The following PGBD5 variants were observed in gnomAD, a reference collection of about 807,000 sequenced individuals.
PGBD5 encodes the protein piggyBac transposable element-derived protein 5.
PGBD5 carries 14 observed loss-of-function variants against 47.9 expected under a neutral mutation model. That is an observed-to-expected ratio of 0.29 (90% CI 0.19 to 0.46). The LOEUF (loss-of-function observed/expected upper bound fraction) is 0.46. Ranked by LOEUF, PGBD5 falls within the 20% of genes least tolerant of loss-of-function variation. PGBD5 has a pLI of 1.00. For missense variants in PGBD5, 635 were observed against 716.0 expected, an observed-to-expected ratio of 0.89 and a Z score of 1.29; for synonymous variants, 316 against 306.3, an observed-to-expected ratio of 1.03 and a Z score of -0.33.
At chr1:230,402,494 G>C (rs970878229) in intron 1 of PGBD5, among the ~76,000 whole-genome samples, 15 of 152,218 alleles carry the variant, frequency 9.9e-5, no homozygotes, top group African/African-American at 3.6e-4. Context: ...GGTGTGAAGA[G>C]AGCTCACTGT....
intron 4 of PGBD5, 90 bp from the exon 5 acceptor site, chr1:230,333,131 G>C: frequency 7.4e-7 from 1 of 1,356,092 alleles, no homozygotes; most frequent in Non-Finnish European, 1.0e-6. Flanking sequence ...GGAAAGGACG[G>C]GACTGCCCGG....
Position 230,315,910 on chromosome 1 carries a change from G to A in PGBD5, c.*7515C>T, listed in dbSNP as rs28583646. On this transcript the variant is annotated 3_prime_UTR_variant, in exon 7 of 7. Coordinates refer to ENST00000391860, the MANE Select transcript of PGBD5 (RefSeq NM_001258311.2). ...TACATATTTATGTGTACACATATAT[G>A]TATATGTGTATATGTGTACACATAT... 1 of 142,316 alleles carries A rather than the reference G, an allele frequency of 7.0e-6. No individual in the cohort carries two copies. Among genetic ancestry groups the A allele is most frequent in the Admixed American group, 6.9e-5 (1 of 14,556 alleles). 8.8% of individuals were successfully genotyped at this position (142,316 alleles called of 1,614,324 possible).
intron 1 of PGBD5, among the ~76,000 whole-genome samples, chr1:230,374,386 C>T (rs1667980758): frequency 6.6e-6 from 1 of 152,170 alleles, no homozygotes; most frequent in African/African-American, 2.4e-5. Context: ...CACTGCACTA[C>T]AGCCTGGGCA....
Position 230,323,732 on chromosome 1 carries a change from A to G in PGBD5, c.1380-112T>C. The G allele has an allele frequency of 6.6e-6, 7 of 1,060,164 alleles. No individual in the cohort carries two copies. The highest frequency in any genetic ancestry group is 9.5e-6 in the Non-Finnish European group (7 of 733,464). 65.7% of individuals were successfully genotyped at this position (1,060,164 alleles called of 1,614,324 possible). On this transcript the variant is annotated intron_variant, in intron 6 of 6. Transcript: ENST00000391860. This position sits in a 1 kb window ranked among gnomAD's most constrained non-coding sequence, Gnocchi z 4.1. ...GTGAGACGCTGCAGGTTCGCCCCCG[A>G]CAGAAGCAGGAGGGCTATGGGGGCA... is the stretch of plus-strand genomic sequence containing the variant.
chr1:230,357,200 C>T lies in PGBD5; in HGVS notation c.453G>A (p.Glu151=), dbSNP rs1667663163. ...QTNMYAKKFQ[E]RFGSDGAWVE... is the part of the protein sequence containing the mutation. ...CCCAGGCTCCGTCGCTCCCAAACCG[C>T]TCCTGGAACTTCTTGGCATACATGT... is the stretch of plus-strand genomic sequence containing the variant. The change falls in exon 2 of 7, where the codon GAG becomes GAA. Residue 151 remains glutamate (E), a synonymous_variant. Coordinates refer to ENST00000391860, the MANE Select transcript of PGBD5 (RefSeq NM_001258311.2). The surrounding 1 kb of genome is among the most constrained non-coding windows in gnomAD (Gnocchi z 5.7). 1 of 1,614,192 alleles carries T rather than the reference C, an allele frequency of 6.2e-7. No homozygotes were observed. The highest frequency in any genetic ancestry group is 1.7e-5 in the Admixed American group (1 of 60,028).
intron 1 of PGBD5, among the ~76,000 whole-genome samples, chr1:230,405,005 T>A (rs1571862018): frequency 6.9e-6 from 1 of 145,164 alleles, no homozygotes; most frequent in African/African-American, 2.5e-5. Context: ...AAAAGATATA[T>A]GAAGAGGTGA....
At chr1:230,421,702 C>G (rs1014487844) in intron 1 of PGBD5, among the ~76,000 whole-genome samples, 1 of 152,236 alleles carries the variant, frequency 6.6e-6, no homozygotes, top group African/African-American at 2.4e-5. Context: ...TGTGCAGCCA[C>G]TGCAAGATGA....
At chr1:230,385,546 C>T (rs1245912672) in intron 1 of PGBD5, among the ~76,000 whole-genome samples, 3 of 152,156 alleles carry the variant, frequency 2.0e-5, no homozygotes, top group Non-Finnish European at 4.4e-5. Context: ...AGGCTGATTT[C>T]TGCCTCAACT....
intron 1 of PGBD5, among the ~76,000 whole-genome samples, chr1:230,404,114 G>A (rs576876496): frequency 8.5e-5 from 13 of 152,240 alleles, no homozygotes; most frequent in Non-Finnish European, 1.5e-4. Flanking sequence ...GGTGGAAGGC[G>A]TCAAGCTATG....
chr1:230,362,087 C>T (rs1452070580), intron 1 of PGBD5, among the ~76,000 whole-genome samples: 4 of 152,224 alleles, frequency 2.6e-5, no homozygotes, highest in Non-Finnish European at 5.9e-5. Flanking sequence ...TGGTCACTGT[C>T]ACAGGGCTCA....
chr1:230,393,095 G>A (rs1342596588), intron 1 of PGBD5, among the ~76,000 whole-genome samples: 1 of 143,382 alleles, frequency 7.0e-6, no homozygotes, highest in African/African-American at 2.6e-5. Context: ...GAGGAAGGAG[G>A]AAAGGGGAAA....
In PGBD5 at chr1:230,332,958, G is replaced by T; in HGVS notation, c.1159C>A (p.Pro387Thr). The T allele has an allele frequency of 2.5e-6, 4 of 1,614,130 alleles. No individual in the cohort carries two copies. The highest frequency in any genetic ancestry group is 3.4e-6 in the Non-Finnish European group (4 of 1,179,966). ...ATTTGGTACTGGCCCCGGGCCGGGG[G>T]TGTGGCTGGGTTGGTCAGCATGGAC... ...PLSMLTNPAT[P>T]PARGQYQIKM... Residue 387 changes from proline (P) to threonine (T), a missense_variant, in exon 5 of 7, where the codon CCC becomes ACC. Pro to Thr is a conservative substitution (Grantham distance 38). Transcript: ENST00000391860.
chr1:230,374,442 G>A (rs1288221780), intron 1 of PGBD5, among the ~76,000 whole-genome samples: 4 of 152,096 alleles, frequency 2.6e-5, no homozygotes, highest in Admixed American at 6.6e-5. Context: ...AAAATTTCAT[G>A]AGAACACCTT....
intron 1 of PGBD5, among the ~76,000 whole-genome samples, chr1:230,408,581 T>C (rs1007948727): frequency 6.6e-5 from 10 of 152,236 alleles, no homozygotes; most frequent in African/African-American, 2.4e-4. Flanking sequence ...TCGATTGATT[T>C]TTGACCATAG....
At chr1:230,360,460 G>A (rs1354527605) in intron 1 of PGBD5, among the ~76,000 whole-genome samples, 2 of 152,164 alleles carry the variant, frequency 1.3e-5, no homozygotes, top group East Asian at 3.9e-4. Context: ...ATCTCATCTT[G>A]AATTGTAATC....
chr1:230,404,630 A>T (rs1657253138), intron 1 of PGBD5, among the ~76,000 whole-genome samples: 1 of 89,628 alleles, frequency 1.1e-5, no homozygotes, highest in African/African-American at 3.9e-5. Flanking sequence ...AAAAAAAAAA[A>T]TATATATATA....
intron 5 of PGBD5, among the ~76,000 whole-genome samples, chr1:230,332,627 A>G (rs945828143): frequency 2.6e-5 from 4 of 152,150 alleles, no homozygotes; most frequent in Admixed American, 2.6e-4. Context: ...AAAAGCTTAC[A>G]ACGAACAGGG....
chr1:230,333,632 G>A (rs984658138), intron 4 of PGBD5, among the ~76,000 whole-genome samples: 9 of 152,222 alleles, frequency 5.9e-5, no homozygotes, highest in African/African-American at 2.2e-4. Context: ...CTGCACCCCA[G>A]GAAGCTGTCA....
chr1:230,414,113 G>A (rs1657468282), intron 1 of PGBD5, among the ~76,000 whole-genome samples: 1 of 152,134 alleles, frequency 6.6e-6, no homozygotes, highest in Non-Finnish European at 1.5e-5. Flanking sequence ...ACTCTTAGGA[G>A]CCCACCAGAG....
Sources: allele counts gnomAD v4.1 joint callset (sites outside exome capture counted in the v4.1 genomes callset), GRCh38; gene constraint gnomAD v4.1.1; non-coding constraint Gnocchi (gnomAD v3.1); transcripts MANE v1.5; gene names NCBI Gene and HGNC (gene_info 2026-07-23, HGNC 2026-07-21).